The following CNGB1 variants were observed in gnomAD, a reference collection of about 807,000 sequenced individuals.
CNGB1 encodes cyclic nucleotide gated channel subunit beta 1.
CNGB1 carries 126 observed loss-of-function variants against 151.7 expected under a neutral mutation model. The observed-to-expected ratio is 0.83, with a 90% CI of 0.72 to 0.96. The LOEUF (loss-of-function observed/expected upper bound fraction) is 0.96, where lower values mean the gene tolerates loss of function less well. Among genes scored for constraint, CNGB1 ranks in the 40% least tolerant of loss-of-function variants. The pLI, the probability that CNGB1 is intolerant of heterozygous loss-of-function variation, is 0.00. For synonymous variants in CNGB1, 623 were observed against 635.1 expected, an observed-to-expected ratio of 0.98 and a Z score of 0.29; for missense variants, 1,698 against 1,627.0, an observed-to-expected ratio of 1.04 and a Z score of -0.75.
chr16:57,942,481 C>A lies in CNGB1; in HGVS notation c.1122-2160G>T, dbSNP rs868219606. Among the ~76,000 whole-genome samples the A allele has an allele frequency of 1.2e-4, 19 of 152,144 alleles. 1 individual carries two copies. The South Asian group carries it at 2.5e-3, about 20-fold the overall frequency. ...AATGAAACAACCCAATTTACAATAG[C>A]TATAAAATAAAATAAAATGCTTAGG... On this transcript the variant is annotated intron_variant, in intron 14 of 32. Coordinates refer to ENST00000251102, the MANE Select transcript of CNGB1 (RefSeq NM_001297.5).
At chr16:57,887,352 T>C (rs1463829931) in intron 32 of CNGB1, among the ~76,000 whole-genome samples, 1 of 152,094 alleles carries the variant, frequency 6.6e-6, no homozygotes, top group Non-Finnish European at 1.5e-5. Flanking sequence ...GGCGGGTATG[T>C]GACCCAGGCC....
chr16:57,964,631 C>T (rs1962345924), intron 2 of CNGB1, 87 bp from the exon 3 acceptor site: 1 of 1,345,574 alleles, frequency 7.4e-7, no homozygotes, highest in Non-Finnish European at 1.1e-6. Flanking sequence ...TCAAGGGATC[C>T]CTGCCCCACA....
intron 27 of CNGB1, among the ~76,000 whole-genome samples, chr16:57,903,245 A>C (rs564154433): frequency 6.9e-6 from 1 of 145,184 alleles, no homozygotes; most frequent in South Asian, 2.2e-4. Context: ...TAATCCCAGC[A>C]CTTTGGGAGC....
intron 14 of CNGB1, among the ~76,000 whole-genome samples, chr16:57,944,941 A>G (rs1567389867): frequency 7.3e-6 from 1 of 136,562 alleles, no homozygotes; most frequent in African/African-American, 3.0e-5. Flanking sequence ...ACAGAGCGAG[A>G]CTCTGTCTTT....
intron 20 of CNGB1, 97 bp from the exon 21 acceptor site, chr16:57,917,573 T>C: frequency 8.9e-7 from 1 of 1,124,922 alleles, no homozygotes; most frequent in Admixed American, 1.7e-5. Flanking sequence ...CTCCTTCAAC[T>C]ACTACATGTG....
intron 16 of CNGB1, among the ~76,000 whole-genome samples, chr16:57,933,782 G>C (rs1961427903): frequency 6.8e-6 from 1 of 147,632 alleles, no homozygotes; most frequent in Admixed American, 6.9e-5. Context: ...GAGTATAGTG[G>C]TGTGATCTCG....
chr16:57,920,986 A>G (rs1226542602), intron 18 of CNGB1, among the ~76,000 whole-genome samples: 2 of 152,214 alleles, frequency 1.3e-5, no homozygotes, highest in Admixed American at 1.3e-4. Context: ...TGGAAAAAGC[A>G]GTGCAGATAC....
chr16:57,935,645 C>A (rs1050984797), intron 16 of CNGB1, among the ~76,000 whole-genome samples: 3 of 149,382 alleles, frequency 2.0e-5, no homozygotes, highest in African/African-American at 4.9e-5. Context: ...AAGACTCCGT[C>A]CCCCCCCAAA....
chr16:57,923,030 C>A, intron 18 of CNGB1: 1 of 406,078 alleles, frequency 2.5e-6, no homozygotes, highest in Non-Finnish European at 4.7e-6. Flanking sequence ...AGATCCCTCC[C>A]TCTCTGAGCA....
chr16:57,891,932 G>T (rs1291449277), intron 31 of CNGB1, among the ~76,000 whole-genome samples: 1 of 152,120 alleles, frequency 6.6e-6, no homozygotes. Flanking sequence ...ATTCATGCCT[G>T]AATGAAGCTT....
At chr16:57,960,748 T>A (rs1419476209) in intron 8 of CNGB1, 92 bp downstream of exon 8, 4 of 1,409,604 alleles carry the variant, frequency 2.8e-6, no homozygotes, top group Non-Finnish European at 3.9e-6. Context: ...CTGGGGTGGG[T>A]GGGGACAGCC....
Position 57,958,473 on chromosome 16 carries a change from C to A in CNGB1, c.774G>T (p.Trp258Cys), listed in dbSNP as rs1469065061. 1 of 1,614,092 alleles carries A rather than the reference C, an allele frequency of 6.2e-7. No homozygotes were observed. The highest frequency in any genetic ancestry group is 1.1e-5 in the South Asian group (1 of 91,082). The change falls in exon 11 of 33, where the codon TGG becomes TGT. Residue 258 changes from tryptophan (W) to cysteine (C), a missense_variant. Coordinates refer to ENST00000251102, the MANE Select transcript of CNGB1 (RefSeq NM_001297.5). ...AGGCCATCTCCAGCCTGTGCAGGACCCATGCCACCAGCCTGCAGGTGGGAG... is the reference window on the plus strand; with the variant it reads ...AGGCCATCTCCAGCCTGTGCAGGACACATGCCACCAGCCTGCAGGTGGGAG... ...PTRDPARLVA[W>C]VLHRLEMALP... is the part of the protein sequence containing the mutation.
intron 23 of CNGB1, among the ~76,000 whole-genome samples, chr16:57,914,149 G>C (rs1040338422): frequency 2.1e-4 from 32 of 152,338 alleles, no homozygotes; most frequent in Admixed American, 1.2e-3. Context: ...CCACTGAATG[G>C]TGTTCAATGT....
At chr16:57,945,106 G>A (rs547394470) in intron 14 of CNGB1, among the ~76,000 whole-genome samples, 122 of 152,096 alleles carry the variant, frequency 8.0e-4, no homozygotes, top group Non-Finnish European at 1.5e-3. Flanking sequence ...AGAGAGTTTC[G>A]ATGGCCAATC....
At chr16:57,904,359 G>C (rs1029739185) in intron 26 of CNGB1, among the ~76,000 whole-genome samples, 1 of 152,138 alleles carries the variant, frequency 6.6e-6, no homozygotes, top group Non-Finnish European at 1.5e-5. Flanking sequence ...GTTCCTCGGG[G>C]CGGGGCCCTT....
chr16:57,897,136 GA>G (rs1436059607), intron 31 of CNGB1, among the ~76,000 whole-genome samples: 5 of 151,770 alleles, frequency 3.3e-5, no homozygotes, highest in African/African-American at 4.8e-5. Context: ...CCCAGCTCTA[GA>G]AAAAAATTTT....
At position 57,923,371 on chromosome 16, in the gene CNGB1, C is replaced by T; in HGVS notation, c.1545G>A (p.Leu515=). The T allele has an allele frequency of 1.2e-6, 2 of 1,612,938 alleles. No individual in the cohort carries two copies. Among genetic ancestry groups the T allele is most frequent in the Non-Finnish European group, 1.7e-6 (2 of 1,179,542 alleles). The change falls in exon 18 of 33, where the codon CTG becomes CTA. Residue 515 remains leucine, a synonymous_variant. Transcript: ENST00000251102. ...SSASGTHRKK[L]PSEDDEAEEL... Reference sequence around the variant, plus strand: ...CTTCAGCCTCATCATCCTCAGAGGGCAGCTTCTTCCTGCAAAGACACAGAT... The same window carrying T: ...CTTCAGCCTCATCATCCTCAGAGGGTAGCTTCTTCCTGCAAAGACACAGAT...
intron 17 of CNGB1, among the ~76,000 whole-genome samples, chr16:57,930,543 G>C (rs1336203843): frequency 1.8e-4 from 24 of 136,070 alleles, no homozygotes; most frequent in Non-Finnish European, 2.5e-4. Context: ...AGAGAGGGGA[G>C]GGGAGAGAGA....
chr16:57,918,140 TTTATTTAC>T (rs1285255959), intron 20 of CNGB1, among the ~76,000 whole-genome samples: 11 of 137,446 alleles, frequency 8.0e-5, no homozygotes, highest in African/African-American at 2.8e-4. Flanking sequence ...TATTTATTTA[TTTATTTAC>T]TATTTTTGTA....
Sources: allele counts gnomAD v4.1 joint callset (sites outside exome capture counted in the v4.1 genomes callset), GRCh38; gene constraint gnomAD v4.1.1; transcripts MANE v1.5; gene names NCBI Gene and HGNC (gene_info 2026-07-23, HGNC 2026-07-21).